TLR3: variants seen among roughly 807,000 people sequenced by gnomAD.
The protein encoded by TLR3 is toll-like receptor 3.
A neutral mutation model predicts 66.4 loss-of-function variants in TLR3; 43 were observed. The observed-to-expected ratio is 0.65, with a 90% CI of 0.51 to 0.83. The LOEUF (loss-of-function observed/expected upper bound fraction) is 0.83. TLR3 is among the 40% of genes least tolerant of loss of function. The probability of loss-of-function intolerance (pLI) is 0.00; values close to 1 mark genes in which losing one functional copy is unlikely to be tolerated. For missense variants in TLR3, 982 were observed against 1,044.6 expected (o/e 0.94, Z 0.83); for synonymous variants, 397 against 397.2 (o/e 1.00, Z 0.01).
chr4:186,071,247 A>G (rs1026873183), intron 1 of TLR3, among the ~76,000 whole-genome samples: 3 of 152,182 alleles, frequency 2.0e-5, no homozygotes, highest in Non-Finnish European at 2.9e-5. Flanking sequence ...CACTGATGAA[A>G]TGTCTTCAGA....
At position 186,082,345 on chromosome 4, in the gene TLR3, T is replaced by C. The variant is rs1302896252; in HGVS notation, c.659T>C (p.Ile220Thr). The C allele has an allele frequency of 1.2e-6, 2 of 1,613,678 alleles. No individual in the cohort carries two copies. The highest frequency in any genetic ancestry group is 8.5e-7 in the Non-Finnish European group (1 of 1,179,900). ...KEFSPGCFHA[I>T]GRLFGLFLNN... ...TTTTCTCCAGGGTGTTTTCACGCAA[T>C]TGGAAGATTATTTGGCCTCTTTCTG... The change falls in exon 4 of 5, where the codon ATT becomes ACT. Residue 220 changes from isoleucine (I) to threonine (T), a missense_variant. By Grantham distance (89) the Ile-to-Thr change is moderately conservative. This residue lies in a region of TLR3 where 313 missense variants were observed against 319.0 expected (regional missense o/e 0.98). Coordinates refer to ENST00000296795, the MANE Select transcript of TLR3 (RefSeq NM_003265.3).
chr4:186,076,773 A>G lies in TLR3; in HGVS notation c.154A>G (p.Asn52Asp). Reference sequence around the variant, plus strand: ...TCAGGTACCCGATGATCTACCCACAAACATAACAGTGTTGAACCTTACCCA... The same window carrying G: ...TCAGGTACCCGATGATCTACCCACAGACATAACAGTGTTGAACCTTACCCA... Reference protein sequence around the residue: ...LTQVPDDLPTNITVLNLTHNQ... With the variant: ...LTQVPDDLPTDITVLNLTHNQ... Residue 52 changes from asparagine to aspartate, a missense_variant, in exon 2 of 5, where the codon AAC becomes GAC. Physicochemically the swap from Asn to Asp is conservative, Grantham distance 23. This residue lies in a region of TLR3 where 313 missense variants were observed against 319.0 expected (regional missense o/e 0.98). Coordinates refer to ENST00000296795, the MANE Select transcript of TLR3 (RefSeq NM_003265.3). The G allele has an allele frequency of 6.2e-7, 1 of 1,614,100 alleles. No individual in the cohort carries two copies. The highest frequency in any genetic ancestry group is 8.5e-7 in the Non-Finnish European group (1 of 1,180,022).
At chr4:186,072,878 C>A (rs1314586942) in intron 1 of TLR3, among the ~76,000 whole-genome samples, 1 of 152,200 alleles carries the variant, frequency 6.6e-6, no homozygotes, top group Non-Finnish European at 1.5e-5. Context: ...TAGGCACAGA[C>A]AACACCGTAT....
rs139854420 is a variant in TLR3 at position 186,076,784 on chromosome 4, G to A, written c.165G>A (p.Val55=). The change falls in exon 2 of 5, where the codon GTG becomes GTA. Residue 55 remains valine (V), a synonymous_variant. Coordinates refer to ENST00000296795, the MANE Select transcript of TLR3 (RefSeq NM_003265.3). The part of the protein sequence containing the change: ...VPDDLPTNIT[V]LNLTHNQLRR... ...ATGATCTACCCACAAACATAACAGTGTTGAACCTTACCCATAATCAACTCA... is the reference window on the plus strand; with the variant it reads ...ATGATCTACCCACAAACATAACAGTATTGAACCTTACCCATAATCAACTCA... 7.2e-5 allele frequency: 116 copies of A among 1,614,134 alleles called. 2 individuals are homozygous for A. In the African/African-American group the frequency reaches 9.3e-4, roughly 13 times the overall value.
At chr4:186,070,376 T>A (rs182018233) in intron 1 of TLR3, among the ~76,000 whole-genome samples, 2 of 146,758 alleles carry the variant, frequency 1.4e-5, no homozygotes, top group East Asian at 3.9e-4. Flanking sequence ...TTTTATTTTA[T>A]TTCATTTTAT....
chr4:186,079,322 T>C (rs891678556), intron 3 of TLR3, among the ~76,000 whole-genome samples: 1 of 152,146 alleles, frequency 6.6e-6, no homozygotes, highest in Non-Finnish European at 1.5e-5. Context: ...AAAGTGGAAA[T>C]AGTGCTCTCT....
chr4:186,076,387 TAGGA>T (rs1421797944), intron 1 of TLR3, among the ~76,000 whole-genome samples: 1 of 152,170 alleles, frequency 6.6e-6, no homozygotes, highest in Non-Finnish European at 1.5e-5. Context: ...AGGTGAAGGA[TAGGA>T]AGGAAGTTTG....
In TLR3 at chr4:186,086,393, T is replaced by C. The variant is rs971072948; in HGVS notation, c.*1520T>C. The C allele has an allele frequency of 6.6e-6, 1 of 152,224 alleles. No individual in the cohort carries two copies. The highest frequency in any genetic ancestry group is 6.5e-5 in the Admixed American group (1 of 15,280). 9.4% of individuals were successfully genotyped at this position (152,224 alleles called of 1,614,324 possible). On this transcript the variant is annotated 3_prime_UTR_variant, in exon 5 of 5. Coordinates refer to ENST00000296795, the MANE Select transcript of TLR3 (RefSeq NM_003265.3). ...CATTTTGGAACTTTGATTTAAATAG[T>C]TCAGTATTCCCAAGGCTGAGTTCCA...
chr4:186,082,072 A>G (rs1203450223), intron 3 of TLR3: 5 of 494,480 alleles, frequency 1.0e-5, no homozygotes, highest in Non-Finnish European at 1.8e-5. Context: ...TAAAAATACA[A>G]AACTTAGCTG....
Position 186,078,899 on chromosome 4 carries a change from G to A in TLR3, c.501G>A (p.Gln167=), listed in dbSNP as rs779831657. ...TGTCATCTACAAAATTAGGAACTCA[G>A]GTTCAGCTGGAAAATCTCCAAGAGC... is the stretch of plus-strand genomic sequence containing the variant. ...NGLSSTKLGT[Q]VQLENLQELL... The change falls in exon 3 of 5, where the codon CAG becomes CAA. Residue 167 remains glutamine (Q), a synonymous_variant. Transcript: ENST00000296795. The A allele has an allele frequency of 1.5e-5, 25 of 1,613,854 alleles. No homozygotes were observed. Among genetic ancestry groups the A allele is most frequent in the Non-Finnish European group, 2.0e-5 (24 of 1,179,988 alleles).
chr4:186,076,203 T>C (rs1032038670), intron 1 of TLR3, among the ~76,000 whole-genome samples: 1 of 151,956 alleles, frequency 6.6e-6, no homozygotes, highest in Non-Finnish European at 1.5e-5. Context: ...CAAAATTAAC[T>C]AAAGAAAAGT....
intron 3 of TLR3, among the ~76,000 whole-genome samples, chr4:186,079,430 C>CT (rs1487181826): frequency 6.6e-6 from 1 of 152,130 alleles, no homozygotes; most frequent in African/African-American, 2.4e-5. Context: ...TGGGCTTTGT[C>CT]TTTTAACAAT....
At chr4:186,073,575 G>T (rs2099301898) in intron 1 of TLR3, among the ~76,000 whole-genome samples, 1 of 151,752 alleles carries the variant, frequency 6.6e-6, no homozygotes, top group African/African-American at 2.4e-5. Flanking sequence ...AAAAAACCAT[G>T]ACTCCTACTT....
At chr4:186,081,333 C>G (rs2099303419) in intron 3 of TLR3, among the ~76,000 whole-genome samples, 1 of 151,996 alleles carries the variant, frequency 6.6e-6, no homozygotes, top group African/African-American at 2.4e-5. Context: ...GACTGCCTGC[C>G]GGAACTGGCC....
chr4:186,074,375 A>G (rs990545138), intron 1 of TLR3, among the ~76,000 whole-genome samples: 1 of 152,232 alleles, frequency 6.6e-6, no homozygotes, highest in Non-Finnish European at 1.5e-5. Flanking sequence ...CAATTGTAAC[A>G]CAATGGGAAG....
Position 186,082,529 on chromosome 4 carries a change from T to C in TLR3, c.843T>C (p.Leu281=), listed in dbSNP as rs141045342. ...LKWTNLTMLD[L]SYNNLNVVGN... ...GGACAAATCTCACTATGCTCGATCT[T>C]TCCTACAACAACTTAAATGTGGTTG... Residue 281 remains leucine (L), a synonymous_variant, in exon 4 of 5, where the codon CTT becomes CTC. Transcript: ENST00000296795. 2 of 1,614,186 alleles carry C rather than the reference T, an allele frequency of 1.2e-6. No homozygotes were observed. Among genetic ancestry groups the C allele is most frequent in the African/African-American group, 1.3e-5 (1 of 75,050 alleles).
rs530115491 is a variant in TLR3 at position 186,085,009 on chromosome 4, A to G, written c.*136A>G. The G allele has an allele frequency of 8.1e-6, 6 of 740,704 alleles. No individual in the cohort carries two copies. Among genetic ancestry groups the G allele is most frequent in the South Asian group, 3.5e-5 (2 of 56,770 alleles). The allele number at this position is 740,704 out of a possible 1,614,324, so 45.9% of individuals were successfully genotyped here. ...AATGATTATATTCTATCACAATTAC[A>G]TCTCTTCTAGGAAAATGTGTCTCCT... On this transcript the variant is annotated 3_prime_UTR_variant, in exon 5 of 5. Transcript: ENST00000296795.
In TLR3 at chr4:186,085,893, C is replaced by T. The variant is rs921960152; in HGVS notation, c.*1020C>T. On this transcript the variant is annotated 3_prime_UTR_variant, in exon 5 of 5. Coordinates refer to ENST00000296795, the MANE Select transcript of TLR3 (RefSeq NM_003265.3). ...TATTTGTTTGTTTTTGAGACAGAGT[C>T]TGGCTCTGTCGCCCAGGCTGGAGTT... 1 of 152,160 alleles carries T rather than the reference C, an allele frequency of 6.6e-6. No individual in the cohort carries two copies. The highest frequency in any genetic ancestry group is 2.4e-5 in the African/African-American group (1 of 41,418). 9.4% of individuals were successfully genotyped at this position (152,160 alleles called of 1,614,324 possible). A position where few individuals can be genotyped will look rare whatever the true frequency, so the allele number is the denominator to read the frequency against.
At position 186,084,263 on chromosome 4, in the gene TLR3, C is replaced by T. The variant is rs557628128; in HGVS notation, c.2486+91C>T. The T allele has an allele frequency of 1.1e-5, 14 of 1,325,106 alleles. No homozygotes were observed. The South Asian group carries it at 1.7e-4, about 16-fold the overall frequency. The allele number at this position is 1,325,106 out of a possible 1,614,324, so 82.1% of individuals were successfully genotyped here. On this transcript the variant is annotated intron_variant, in intron 4 of 4. Coordinates refer to ENST00000296795, the MANE Select transcript of TLR3 (RefSeq NM_003265.3). ...TGAGATGGAGTCCTGCTCTGTTGCC[C>T]AGGCTGGAGTGCAGTGGTGTGATCT...
Sources: allele counts gnomAD v4.1 joint callset (sites outside exome capture counted in the v4.1 genomes callset), GRCh38; gene constraint gnomAD v4.1.1; regional missense constraint gnomAD v4.1.1; transcripts MANE v1.5; gene names NCBI Gene and HGNC (gene_info 2026-07-23, HGNC 2026-07-21).